Variants in ARHGAP42 observed in about 807,000 individuals in gnomAD.
ARHGAP42 encodes the protein rho GTPase-activating protein 42.
In ARHGAP42, 63 loss-of-function variants were observed where a neutral mutation model predicts 125.0. The observed-to-expected ratio is 0.50, with a 90% CI of 0.41 to 0.62. The LOEUF (loss-of-function observed/expected upper bound fraction) is 0.62, where lower values mean the gene tolerates loss of function less well. ARHGAP42 is among the 20% of genes least tolerant of loss of function. The probability of loss-of-function intolerance (pLI) is 0.00; values close to 1 mark genes in which losing one functional copy is unlikely to be tolerated. For synonymous variants in ARHGAP42, 339 were observed against 351.0 expected (o/e 0.97, Z 0.38); for missense variants, 766 against 1,024.2 (o/e 0.75, Z 3.44).
chr11:100,887,041 T>A (rs1866107618), intron 4 of ARHGAP42, among the ~76,000 whole-genome samples: 1 of 152,144 alleles, frequency 6.6e-6, no homozygotes, highest in South Asian at 2.1e-4. Flanking sequence ...TATCAATGCA[T>A]GTCAGTACTC....
intron 1 of ARHGAP42, among the ~76,000 whole-genome samples, chr11:100,692,702 G>T (rs149365056): frequency 6.6e-6 from 1 of 152,154 alleles, no homozygotes; most frequent in Non-Finnish European, 1.5e-5. Flanking sequence ...GTCAGTTAAG[G>T]CATTAGCCAG....
At chr11:100,891,388 CT>C (rs1271488045) in intron 4 of ARHGAP42, among the ~76,000 whole-genome samples, 3 of 150,470 alleles carry the variant, frequency 2.0e-5, no homozygotes, top group Non-Finnish European at 4.4e-5. Flanking sequence ...TTTTAATATC[CT>C]TATAGGTTCA....
intron 4 of ARHGAP42, among the ~76,000 whole-genome samples, chr11:100,903,117 G>GCACACACACACACACACACACACACACA (rs1555021069): frequency 7.6e-6 from 1 of 131,942 alleles, no homozygotes; most frequent in Non-Finnish European, 1.6e-5. Flanking sequence ...TCCAAGATGC[G>GCACACACACACACACACACACACACACA]CACACACACA....
chr11:100,951,385 T>C (rs1857647063), intron 12 of ARHGAP42, among the ~76,000 whole-genome samples: 1 of 152,184 alleles, frequency 6.6e-6, no homozygotes, highest in African/African-American at 2.4e-5. Flanking sequence ...GTTTTGTATG[T>C]ACTGAATGTT....
rs113726118 is a variant in ARHGAP42 at position 100,802,115 on chromosome 11, G to A, written c.312+6949G>A. ...TAAACCATGTAAACTTTGTGGTAACGTCTTCTCAGTTTCTGTACCACCATA... is the reference window on the plus strand; with the variant it reads ...TAAACCATGTAAACTTTGTGGTAACATCTTCTCAGTTTCTGTACCACCATA... On this transcript the variant is annotated intron_variant, in intron 3 of 23. Transcript: ENST00000298815. Among the ~76,000 whole-genome samples the A allele has an allele frequency of 4.9e-3, 752 of 152,202 alleles. 3 individuals are homozygous for A. The highest frequency in any genetic ancestry group is 0.014 in the Middle Eastern group (4 of 292).
intron 2 of ARHGAP42, among the ~76,000 whole-genome samples, chr11:100,794,161 C>G (rs1302745224): frequency 2.2e-5 from 3 of 137,948 alleles, no homozygotes; most frequent in African/African-American, 7.9e-5. Context: ...CCCAAACATT[C>G]TAACTTTGGT....
chr11:100,921,667 G>GT (rs34582117), intron 6 of ARHGAP42, 63 bp downstream of exon 6: 2 of 975,208 alleles, frequency 2.1e-6, no homozygotes, highest in African/African-American at 1.7e-5. Flanking sequence ...AAAGTACACT[G>GT]TTTTTTCTAT....
At position 100,987,592 on chromosome 11, in the gene ARHGAP42, GGTAA is replaced by G; in HGVS notation, c.2536+4_2536+7del. 1 of 1,550,974 alleles carries G rather than the reference GGTAA, an allele frequency of 6.4e-7. No individual in the cohort carries two copies. The highest frequency in any genetic ancestry group is 8.7e-7 in the Non-Finnish European group (1 of 1,146,360). On this transcript the variant is annotated splice_donor_variant and splice_donor_region_variant and intron_variant, in intron 23 of 23. Coordinates refer to ENST00000298815, the MANE Select transcript of ARHGAP42 (RefSeq NM_152432.4). LOFTEE classifies it high-confidence loss of function. The stretch of plus-strand genomic sequence containing the variant: ...CCCACAAGGAGCAATATTTTCTAAT[GGTAA>G]GTATGTCAATTCCCTCTGCCTAAGT...
At chr11:100,810,220 T>C (rs1864103649) in intron 3 of ARHGAP42, among the ~76,000 whole-genome samples, 1 of 151,934 alleles carries the variant, frequency 6.6e-6, no homozygotes, top group Non-Finnish European at 1.5e-5. Flanking sequence ...ATAAAGATAG[T>C]AAAGGGGAAC....
chr11:100,798,937 G>T (rs1251274411), intron 3 of ARHGAP42, among the ~76,000 whole-genome samples: 1 of 152,224 alleles, frequency 6.6e-6, no homozygotes, highest in Non-Finnish European at 1.5e-5. Flanking sequence ...GATCACACAA[G>T]TAGGTCGTGG....
intron 1 of ARHGAP42, among the ~76,000 whole-genome samples, chr11:100,696,200 G>A (rs185223558): frequency 2.0e-5 from 3 of 152,198 alleles, no homozygotes; most frequent in Admixed American, 1.3e-4. Context: ...ACTTCAGCCT[G>A]CACAACAGAG....
At chr11:100,933,288 C>A in intron 7 of ARHGAP42, 28 bp downstream of exon 7, 2 of 1,440,120 alleles carry the variant, frequency 1.4e-6, no homozygotes, top group South Asian at 2.7e-5. Context: ...CTTACTGTCT[C>A]TCAGCAAATC....
At chr11:100,870,801 G>T (rs866440635) in intron 4 of ARHGAP42, among the ~76,000 whole-genome samples, 3 of 152,120 alleles carry the variant, frequency 2.0e-5, no homozygotes, top group Non-Finnish European at 4.4e-5. Flanking sequence ...CTCATCATTT[G>T]ATGTTAACCA....
rs748573246 is a variant in ARHGAP42 at position 100,811,714 on chromosome 11, AG to A, written c.312+16549del. 2.0e-5 allele frequency among the ~76,000 whole-genome samples: 3 copies of A among 151,784 alleles called. No individual in the cohort carries two copies. The South Asian group carries it at 6.3e-4, about 32-fold the overall frequency. On this transcript the variant is annotated intron_variant, in intron 3 of 23. Transcript: ENST00000298815. The stretch of plus-strand genomic sequence containing the variant: ...GGGGTTTCATCATGTTAGCCAGGCT[AG>A]TTTCAAACTCCTGACCTCAAGTGAT...
chr11:100,929,560 C>T (rs1198453577), intron 6 of ARHGAP42, among the ~76,000 whole-genome samples: 1 of 152,136 alleles, frequency 6.6e-6, no homozygotes, highest in Non-Finnish European at 1.5e-5. Context: ...TCTCCATGTC[C>T]CTCACACACA....
At chr11:100,952,628 A>G (rs574579789) in intron 12 of ARHGAP42, among the ~76,000 whole-genome samples, 11 of 152,066 alleles carry the variant, frequency 7.2e-5, no homozygotes, top group Non-Finnish European at 1.3e-4. Context: ...GCTACCAATG[A>G]AAGAAACCCT....
intron 4 of ARHGAP42, among the ~76,000 whole-genome samples, chr11:100,866,093 C>A (rs1591250638): frequency 6.6e-6 from 1 of 152,154 alleles, no homozygotes; most frequent in African/African-American, 2.4e-5. Flanking sequence ...TATTCCAAAT[C>A]CTTTGTTGTC....
At chr11:100,908,987 A>G (rs1866831783) in intron 4 of ARHGAP42, among the ~76,000 whole-genome samples, 1 of 152,134 alleles carries the variant, frequency 6.6e-6, no homozygotes, top group Admixed American at 6.5e-5. Flanking sequence ...GATTAGAGAC[A>G]TTGAGCATTT....
chr11:100,924,049 GT>G (rs1246834646), intron 6 of ARHGAP42, among the ~76,000 whole-genome samples: 1 of 152,192 alleles, frequency 6.6e-6, no homozygotes, highest in East Asian at 1.9e-4. Flanking sequence ...ACACTTTAAT[GT>G]TTTTGCCGGT....
Sources: gnomAD v4.1 joint callset for allele counts (sites outside exome capture counted in the v4.1 genomes callset) on GRCh38, gnomAD v4.1.1 for gene constraint, MANE v1.5 for transcripts, NCBI Gene and HGNC (gene_info 2026-07-23, HGNC 2026-07-21) for gene names.